Variants in HPSE2 observed in about 807,000 individuals in gnomAD.
HPSE2 encodes heparanase 2 (inactive).
Under a neutral mutation model 60.5 loss-of-function variants are expected in HPSE2, and 38 were observed. The observed-to-expected ratio is 0.63, with a 90% CI of 0.48 to 0.82. HPSE2 has a LOEUF of 0.82. Among genes scored for constraint, HPSE2 ranks in the 40% least tolerant of loss-of-function variants. The pLI is 0.00. For missense variants in HPSE2, 713 were observed against 740.4 expected, an observed-to-expected ratio of 0.96 and a Z score of 0.43; for synonymous variants, 295 against 293.2, an observed-to-expected ratio of 1.01 and a Z score of -0.06.
At chr10:98,991,907 G>T (rs1452618214) in intron 3 of HPSE2, among the ~76,000 whole-genome samples, 1 of 152,052 alleles carries the variant, frequency 6.6e-6, no homozygotes, top group African/African-American at 2.4e-5. Context: ...CTCCCAGGTG[G>T]CTCCACTGTC....
At chr10:98,523,401 A>G (rs1942862923) in intron 9 of HPSE2, among the ~76,000 whole-genome samples, 1 of 152,218 alleles carries the variant, frequency 6.6e-6, no homozygotes, top group African/African-American at 2.4e-5. Context: ...GTTTGAAAGA[A>G]CAGCCACCTT....
intron 9 of HPSE2, among the ~76,000 whole-genome samples, chr10:98,594,550 G>C (rs11189700): frequency 0.084 from 12,730 of 152,062 alleles, 609 homozygotes; most frequent in East Asian, 0.19. Context: ...CCATCATGTG[G>C]TATTTGTCTT....
At chr10:98,612,322 C>G (rs12260273) in intron 9 of HPSE2, among the ~76,000 whole-genome samples, 8,146 of 152,272 alleles carry the variant, frequency 0.053, 705 homozygotes, top group African/African-American at 0.18. Context: ...AGTTTTCTTA[C>G]TACTCGTCTG....
At chr10:98,614,299 T>TG (rs1036153110) in intron 9 of HPSE2, among the ~76,000 whole-genome samples, 1 of 151,404 alleles carries the variant, frequency 6.6e-6, no homozygotes, top group Non-Finnish European at 1.5e-5. Flanking sequence ...TTGTTTTGTT[T>TG]TTTTTTTTTT....
chr10:98,982,647 A>T (rs931322794), intron 3 of HPSE2, among the ~76,000 whole-genome samples: 1 of 152,114 alleles, frequency 6.6e-6, no homozygotes, highest in Non-Finnish European at 1.5e-5. Context: ...ATTTTGACAA[A>T]GAACATTCAC....
At position 99,118,349 on chromosome 10, in the gene HPSE2, C is replaced by G. The variant is rs140773888; in HGVS notation, c.610+25889G>C. On this transcript the variant is annotated intron_variant, in intron 3 of 11. Transcript: ENST00000370552. Reference sequence around the variant, plus strand: ...CCATCCTGGCTAACATGGTGAAACCCTGTCTCTACTAAAAATACAAAAAAT... The same window carrying G: ...CCATCCTGGCTAACATGGTGAAACCGTGTCTCTACTAAAAATACAAAAAAT... 7.2e-3 allele frequency among the ~76,000 whole-genome samples: 1,100 copies of G among 151,894 alleles called. 8 individuals are homozygous for G. The highest frequency in any genetic ancestry group is 0.025 in the African/African-American group (1,056 of 41,432).
At chr10:99,088,796 G>A (rs1843415192) in intron 3 of HPSE2, among the ~76,000 whole-genome samples, 1 of 152,168 alleles carries the variant, frequency 6.6e-6, no homozygotes, top group Admixed American at 6.5e-5. Context: ...TTCTGTAGTG[G>A]TTGTACTAGT....
intron 2 of HPSE2, among the ~76,000 whole-genome samples, chr10:99,200,391 T>C (rs950185107): frequency 1.3e-5 from 2 of 152,078 alleles, no homozygotes; most frequent in Non-Finnish European, 2.9e-5. Context: ...TTTTTATAGC[T>C]CTAAAACTGA....
chr10:98,614,541 C>T (rs1425474001), intron 9 of HPSE2, among the ~76,000 whole-genome samples: 11 of 152,160 alleles, frequency 7.2e-5, no homozygotes, highest in Admixed American at 7.2e-4. Flanking sequence ...ATCCACCCGC[C>T]TTGGCCTCCC....
chr10:99,109,408 T>G (rs1844371214), intron 3 of HPSE2, among the ~76,000 whole-genome samples: 1 of 152,122 alleles, frequency 6.6e-6, no homozygotes, highest in South Asian at 2.1e-4. Flanking sequence ...TTGCTTGGAA[T>G]TATTGCCTAG....
At chr10:98,591,179 T>C (rs1945080240) in intron 9 of HPSE2, among the ~76,000 whole-genome samples, 1 of 152,168 alleles carries the variant, frequency 6.6e-6, no homozygotes, top group Non-Finnish European at 1.5e-5. Context: ...TTATTTATCA[T>C]TTCTGTGCTC....
At chr10:98,737,080 C>T (rs937996546) in intron 4 of HPSE2, among the ~76,000 whole-genome samples, 1 of 152,086 alleles carries the variant, frequency 6.6e-6, no homozygotes, top group Non-Finnish European at 1.5e-5. Flanking sequence ...TCCTCCTCCT[C>T]TTTTCCCCTC....
chr10:98,706,451 C>T (rs1486383145), intron 5 of HPSE2, among the ~76,000 whole-genome samples: 2 of 152,108 alleles, frequency 1.3e-5, no homozygotes, highest in Non-Finnish European at 2.9e-5. Flanking sequence ...AAGACAACCA[C>T]AATGAAGCCC....
At chr10:99,104,553 C>G (rs997717825) in intron 3 of HPSE2, among the ~76,000 whole-genome samples, 1 of 152,156 alleles carries the variant, frequency 6.6e-6, no homozygotes, top group African/African-American at 2.4e-5. Flanking sequence ...TCAGCCATCC[C>G]ATTATTGGGT....
chr10:98,708,455 CA>C (rs35950365), intron 5 of HPSE2, among the ~76,000 whole-genome samples: 78,221 of 119,608 alleles, frequency 0.65, 24,895 homozygotes, highest in Non-Finnish European at 0.77. Flanking sequence ...GACTACGTCT[CA>C]AAAAAAAAAA....
rs527524866 is a variant in HPSE2 at position 98,462,987 on chromosome 10, G to A, written c.1614-3248C>T. ...TTTTTTTTTTTTTATCTTTGTGATGGTACCGCCATTTATCCAATTACTGTA... is the reference window on the plus strand; with the variant it reads ...TTTTTTTTTTTTTATCTTTGTGATGATACCGCCATTTATCCAATTACTGTA... On this transcript the variant is annotated intron_variant, in intron 11 of 11. Transcript: ENST00000370552. Among the ~76,000 whole-genome samples, 10 of 149,356 alleles carry A rather than the reference G, an allele frequency of 6.7e-5. 1 individual carries two copies. The South Asian group carries it at 2.1e-3, about 31-fold the overall frequency.
chr10:99,091,960 A>G (rs1195668830), intron 3 of HPSE2, among the ~76,000 whole-genome samples: 1 of 152,218 alleles, frequency 6.6e-6, no homozygotes, highest in African/African-American at 2.4e-5. Flanking sequence ...ATTGCTGAGA[A>G]TCCTTTCCAA....
At chr10:99,284,620 G>A in the HPSE2 span, among the ~76,000 whole-genome samples, 1,061 of 152,234 alleles carry the variant, frequency 7.0e-3, 12 homozygotes, top group African/African-American at 0.025. Flanking sequence ...TTTTAAATAT[G>A]GTCCCAAAAG....
At chr10:99,066,861 G>C (rs1842634432) in intron 3 of HPSE2, among the ~76,000 whole-genome samples, 1 of 151,854 alleles carries the variant, frequency 6.6e-6, no homozygotes, top group African/African-American at 2.4e-5. Context: ...ACTCATTTCA[G>C]CATTAACTTA....
Sources: gnomAD v4.1 joint callset for allele counts (sites outside exome capture counted in the v4.1 genomes callset) on GRCh38, gnomAD v4.1.1 for gene constraint, MANE v1.5 for transcripts, NCBI Gene and HGNC (gene_info 2026-07-23, HGNC 2026-07-21) for gene names.